ADHFE1: variants seen among roughly 807,000 people sequenced by gnomAD.
ADHFE1 encodes hydroxyacid-oxoacid transhydrogenase, mitochondrial.
A neutral mutation model predicts 54.8 loss-of-function variants in ADHFE1; 37 were observed. That is an observed-to-expected ratio of 0.68 (90% CI 0.52 to 0.89). The LOEUF is 0.89. ADHFE1 is among the 40% of genes least tolerant of loss of function. ADHFE1 has a pLI of 0.00. For synonymous variants in ADHFE1, 203 were observed against 229.3 expected, an observed-to-expected ratio of 0.89 and a Z score of 1.04; for missense variants, 601 against 591.2, an observed-to-expected ratio of 1.02 and a Z score of -0.17.
chr8:66,461,711 G>T (rs1442665045), intron 13 of ADHFE1, among the ~76,000 whole-genome samples: 3 of 151,834 alleles, frequency 2.0e-5, no homozygotes, highest in Non-Finnish European at 2.9e-5. Context: ...AGGTCCCAGT[G>T]TTGGTAGAAC....
chr8:66,439,494 A>G lies in ADHFE1; in HGVS notation c.60-668A>G, dbSNP rs943056890. 1 of 985,742 alleles carries G rather than the reference A, an allele frequency of 1.0e-6. No homozygotes were observed. Among genetic ancestry groups the G allele is most frequent in the Non-Finnish European group, 1.2e-6 (1 of 830,192 alleles). The allele number at this position is 985,742 out of a possible 1,614,324, so 61.1% of individuals were successfully genotyped here. Reference sequence around the variant, plus strand: ...AGGAGGACGTGGGAAATCTGTAGAGAAGTCGACCGAGAAGTGAGATGCGGT... The same window carrying G: ...AGGAGGACGTGGGAAATCTGTAGAGGAGTCGACCGAGAAGTGAGATGCGGT... On this transcript the variant is annotated intron_variant, in intron 1 of 13. Coordinates refer to ENST00000396623, the MANE Select transcript of ADHFE1 (RefSeq NM_144650.3). This position sits in a 1 kb window ranked among gnomAD's most constrained non-coding sequence, Gnocchi z 4.4.
At chr8:66,443,614 A>G (rs953036246) in intron 3 of ADHFE1, among the ~76,000 whole-genome samples, 4 of 152,098 alleles carry the variant, frequency 2.6e-5, no homozygotes, top group Non-Finnish European at 4.4e-5. Flanking sequence ...CGGGGGCCTG[A>G]CAGTTAACCA....
At chr8:66,455,029 C>G (rs1806505391) in intron 10 of ADHFE1, among the ~76,000 whole-genome samples, 1 of 152,182 alleles carries the variant, frequency 6.6e-6, no homozygotes, top group South Asian at 2.1e-4. Flanking sequence ...CTTTCTATCT[C>G]TGTAGACTTC....
intron 10 of ADHFE1, 131 bp downstream of exon 10, chr8:66,454,288 A>C (rs552946618): frequency 9.7e-4 from 791 of 813,938 alleles, no homozygotes; most frequent in Non-Finnish European, 1.2e-3. Flanking sequence ...TATGTTCCTA[A>C]ATGTATTCTT....
chr8:66,465,767 T>C (rs913159100), intron 13 of ADHFE1, among the ~76,000 whole-genome samples: 1 of 150,608 alleles, frequency 6.6e-6, no homozygotes, highest in South Asian at 2.1e-4. Flanking sequence ...ACCCGGCTAA[T>C]TTTTGTATTT....
Position 66,454,107 on chromosome 8 carries a change from G to A in ADHFE1, c.936G>A (p.Leu312=). 1 of 1,614,108 alleles carries A rather than the reference G, an allele frequency of 6.2e-7. No individual in the cohort carries two copies. Among genetic ancestry groups the A allele is most frequent in the Non-Finnish European group, 8.5e-7 (1 of 1,180,006 alleles). ...DDLEARSHMH[L]ASAFAGIGFG... ...TTGAAGCAAGGTCTCATATGCACTT[G>A]GCAAGTGCTTTTGCTGGCATCGGCT... is the stretch of plus-strand genomic sequence containing the variant. The change falls in exon 10 of 14, where the codon TTG becomes TTA. Residue 312 remains leucine, a synonymous_variant. Coordinates refer to ENST00000396623, the MANE Select transcript of ADHFE1 (RefSeq NM_144650.3).
intron 1 of ADHFE1, chr8:66,432,822 C>G: frequency 8.2e-7 from 1 of 1,225,056 alleles, no homozygotes. Flanking sequence ...AAACTGAGGC[C>G]CAGAGAGGAC....
chr8:66,454,907 G>A (rs62511216), intron 10 of ADHFE1, among the ~76,000 whole-genome samples: 27,679 of 151,602 alleles, frequency 0.18, 2,651 homozygotes, highest in Middle Eastern at 0.22. Flanking sequence ...AAGTAGAGAC[G>A]GGGTTTCACC....
At chr8:66,455,855 G>A (rs919111454) in intron 10 of ADHFE1, among the ~76,000 whole-genome samples, 4 of 152,274 alleles carry the variant, frequency 2.6e-5, no homozygotes, top group South Asian at 2.1e-4. Flanking sequence ...CAGGAGGATC[G>A]CTTAAGCCAG....
In ADHFE1 at chr8:66,441,756, G is replaced by C. The variant is rs1041342080; in HGVS notation, c.98-1042G>C. Among the ~76,000 whole-genome samples the C allele has an allele frequency of 5.3e-5, 8 of 151,956 alleles. No individual in the cohort carries two copies. In the East Asian group the frequency reaches 1.5e-3, roughly 29 times the overall value. Reference sequence around the variant, plus strand: ...TCACACCCATAATCCTAGGACTTTCGGAGGCCGGGGTGGGTGGATCACGAG... The same window carrying C: ...TCACACCCATAATCCTAGGACTTTCCGAGGCCGGGGTGGGTGGATCACGAG... On this transcript the variant is annotated intron_variant, in intron 2 of 13. Coordinates refer to ENST00000396623, the MANE Select transcript of ADHFE1 (RefSeq NM_144650.3).
intron 13 of ADHFE1, among the ~76,000 whole-genome samples, 168 bp from the exon 14 acceptor site, chr8:66,468,101 T>C (rs1807296158): frequency 6.6e-6 from 1 of 152,176 alleles, no homozygotes; most frequent in African/African-American, 2.4e-5. Context: ...GTGATAAACC[T>C]CTGAGATGGG....
chr8:66,444,668 A>C lies in ADHFE1; in HGVS notation c.273A>C (p.Gln91His). The C allele has an allele frequency of 6.2e-7, 1 of 1,614,208 alleles. No homozygotes were observed. The highest frequency in any genetic ancestry group is 8.5e-7 in the Non-Finnish European group (1 of 1,180,046). The change falls in exon 5 of 14, where the codon CAA becomes CAC. Residue 91 changes from glutamine to histidine, a missense_variant. By Grantham distance (24) the Gln-to-His change is conservative (BLOSUM62 0). Coordinates refer to ENST00000396623, the MANE Select transcript of ADHFE1 (RefSeq NM_144650.3). ...DKNLSKLPPVQVAMDSLVKNG... is the reference protein window; with the variant it reads ...DKNLSKLPPVHVAMDSLVKNG... ...ACCTCTCCAAGCTCCCTCCTGTGCA[A>C]GTAGCTATGGATTCCCTAGTGAAGA...
chr8:66,463,226 G>T (rs1033094358), intron 13 of ADHFE1, among the ~76,000 whole-genome samples: 1 of 152,136 alleles, frequency 6.6e-6, no homozygotes, highest in Non-Finnish European at 1.5e-5. Flanking sequence ...AACTTAATTA[G>T]GTATCATTCT....
chr8:66,468,347 TATTA>T lies in ADHFE1; in HGVS notation c.1403_*2del. The T allele has an allele frequency of 6.2e-7, 1 of 1,612,138 alleles. No homozygotes were observed. Among genetic ancestry groups the T allele is most frequent in the Non-Finnish European group, 8.5e-7 (1 of 1,178,936 alleles). ...TCTGTTTGAAGCTTCAATGAAACTG[TATTA>T]ATTGTCATTTTAACTGAAAGAATTA... On this transcript the variant is annotated frameshift_variant and stop_lost, in exon 14 of 14. Coordinates refer to ENST00000396623, the MANE Select transcript of ADHFE1 (RefSeq NM_144650.3). LOFTEE classifies it high-confidence loss of function.
intron 9 of ADHFE1, among the ~76,000 whole-genome samples, chr8:66,452,428 C>T (rs905152108): frequency 6.6e-6 from 1 of 152,226 alleles, no homozygotes. Flanking sequence ...TGGCTATGCC[C>T]ATCCAGGCCC....
chr8:66,458,682 C>T (rs1167788494), intron 12 of ADHFE1, among the ~76,000 whole-genome samples: 1 of 151,456 alleles, frequency 6.6e-6, no homozygotes, highest in Non-Finnish European at 1.5e-5. Flanking sequence ...CCCACTGATT[C>T]TTCCTTCTTG....
At chr8:66,444,513 A>T (rs1260307601) in intron 4 of ADHFE1, 81 bp from the exon 5 acceptor site, 19 of 1,606,444 alleles carry the variant, frequency 1.2e-5, no homozygotes, top group Non-Finnish European at 1.1e-5. Flanking sequence ...CTCTATTTTT[A>T]AAAATGTACA....
intron 8 of ADHFE1, among the ~76,000 whole-genome samples, chr8:66,450,488 G>C (rs569379909): frequency 6.6e-6 from 1 of 152,214 alleles, no homozygotes; most frequent in African/African-American, 2.4e-5. Flanking sequence ...TTAAATCTTC[G>C]AGGTAACTCC....
chr8:66,456,819 A>G lies in ADHFE1; in HGVS notation c.989A>G (p.His330Arg), dbSNP rs762546447. 1.6e-5 allele frequency: 25 copies of G among 1,608,282 alleles called. No individual in the cohort carries two copies. The highest frequency in any genetic ancestry group is 2.0e-5 in the Non-Finnish European group (24 of 1,176,528). ...GFGNAGVHLCHGMSYPISGLV... is the reference protein window; with the variant it reads ...GFGNAGVHLCRGMSYPISGLV... Reference sequence around the variant, plus strand: ...TAAGGATTTTCTTTCTTTTCTAGCCATGGAATGTCTTACCCAATTTCAGGT... The same window carrying G: ...TAAGGATTTTCTTTCTTTTCTAGCCGTGGAATGTCTTACCCAATTTCAGGT... Residue 330 changes from histidine (H) to arginine (R), a missense_variant and splice_region_variant, in exon 11 of 14, where the codon CAT becomes CGT. Transcript: ENST00000396623.
Sources: gnomAD v4.1 joint callset for allele counts (sites outside exome capture counted in the v4.1 genomes callset) on GRCh38, gnomAD v4.1.1 for gene constraint, Gnocchi (gnomAD v3.1) non-coding constraint, MANE v1.5 for transcripts, NCBI Gene and HGNC (gene_info 2026-07-23, HGNC 2026-07-21) for gene names.